The following ACP6 variants were observed in gnomAD, a reference collection of about 807,000 sequenced individuals.
The protein encoded by ACP6 is acid phosphatase 6, lysophosphatidic, also known as lysophosphatidic acid phosphatase type 6.
In ACP6, 48 loss-of-function variants were observed where a neutral mutation model predicts 48.1. The ratio of observed to expected loss-of-function variants is 1.00; its 90% CI spans 0.79 to 1.27. ACP6 has a LOEUF of 1.27. Among genes scored for constraint, ACP6 ranks in the 50% most tolerant of loss-of-function variants. ACP6 has a pLI of 0.00. For missense variants in ACP6, 485 were observed against 529.1 expected, an observed-to-expected ratio of 0.92 and a Z score of 0.82; for synonymous variants, 172 against 204.2, an observed-to-expected ratio of 0.84 and a Z score of 1.34.
At position 147,643,589 on chromosome 1, in the gene ACP6, A is replaced by C. The variant is rs1659522285; in HGVS notation, c.*3834T>G. On this transcript the variant is annotated 3_prime_UTR_variant, in exon 10 of 10. Coordinates refer to ENST00000583509, the MANE Select transcript of ACP6 (RefSeq NM_016361.5). ...AACAGGTGCTCACCCCGAGGTGAGG[A>C]CATGGCTCAGGACTACTTGGCATAC... The C allele has an allele frequency of 6.6e-6, 1 of 152,224 alleles. No homozygotes were observed. Among genetic ancestry groups the C allele is most frequent in the Non-Finnish European group, 1.5e-5 (1 of 68,052 alleles). The allele number at this position is 152,224 out of a possible 1,614,324, so 9.4% of individuals were successfully genotyped here.
At chr1:147,634,621 A>G (rs1195102432) in intron 5 of ACP6, among the ~76,000 whole-genome samples, 3 of 152,200 alleles carry the variant, frequency 2.0e-5, no homozygotes, top group Non-Finnish European at 2.9e-5. Flanking sequence ...AAATTTTTAA[A>G]TGTTTTAAAT....
rs148428138 is a variant in ACP6 at position 147,658,700 on chromosome 1, T to C, written c.559+260A>G. Among the ~76,000 whole-genome samples the C allele has an allele frequency of 2.7e-3, 408 of 152,188 alleles. 1 individual carries two copies. Among genetic ancestry groups the C allele is most frequent in the African/African-American group, 9.4e-3 (390 of 41,514 alleles). On this transcript the variant is annotated intron_variant, in intron 4 of 9. Transcript: ENST00000583509. ...GGTTAGGACTGCCTTGTGCAGCTTG[T>C]GTAGAAGCTTGAGGGGAGAAGCCAG...
At chr1:147,639,997 C>G (rs144702363), downstream of ACP6, among the ~76,000 whole-genome samples, 669 of 152,238 alleles carry the variant, frequency 4.4e-3, 3 homozygotes, top group African/African-American at 0.015. Context: ...CTGTACAACA[C>G]AGAGCAACTC....
chr1:147,669,789 G>A (rs1226217155), intron 1 of ACP6, 41 bp downstream of exon 1: 1 of 1,514,710 alleles, frequency 6.6e-7, no homozygotes, highest in Non-Finnish European at 8.9e-7. Context: ...CCTGGCACAC[G>A]GTCCTCGCCC....
chr1:147,633,873 G>T (rs1486274729), intron 5 of ACP6, among the ~76,000 whole-genome samples: 2 of 152,058 alleles, frequency 1.3e-5, no homozygotes, highest in Non-Finnish European at 2.9e-5. Context: ...AAAAAATACA[G>T]CAAAAAATTG....
intron 7 of ACP6, chr1:147,651,676 G>C (rs1553210587): frequency 6.6e-6 from 1 of 152,152 alleles, no homozygotes; most frequent in African/African-American, 2.4e-5. Flanking sequence ...CTGACCCTGA[G>C]TGGAAGGAAT....
chr1:147,661,515 G>T (rs1660545564), intron 1 of ACP6, among the ~76,000 whole-genome samples: 1 of 152,022 alleles, frequency 6.6e-6, no homozygotes, highest in African/African-American at 2.4e-5. Context: ...CCCTCTCCTT[G>T]AGCCTCCTTA....
rs782318764 is a variant in ACP6 at position 147,659,556 on chromosome 1, T to G, written c.349-30A>C. The G allele has an allele frequency of 4.3e-6, 7 of 1,612,564 alleles. No homozygotes were observed. The South Asian group carries it at 7.7e-5, about 18-fold the overall frequency. Reference sequence around the variant, plus strand: ...AGTAGGGAAGAAAGAGAAAGAAGAATGAAAACACCTGACAGCCTGCTGAAC... The same window carrying G: ...AGTAGGGAAGAAAGAGAAAGAAGAAGGAAAACACCTGACAGCCTGCTGAAC... On this transcript the variant is annotated intron_variant, in intron 2 of 9. Transcript: ENST00000583509.
At chr1:147,653,209 C>G (rs1553210969) in intron 6 of ACP6, among the ~76,000 whole-genome samples, 224 of 152,064 alleles carry the variant, frequency 1.5e-3, no homozygotes, top group African/African-American at 5.2e-3. Flanking sequence ...CGGCTCACTG[C>G]AACCCCTGCC....
At chr1:147,662,521 G>A (rs782733004) in intron 1 of ACP6, among the ~76,000 whole-genome samples, 32 of 152,186 alleles carry the variant, frequency 2.1e-4, no homozygotes, top group Admixed American at 1.0e-3. Context: ...TCAGGCTTCC[G>A]TGGAAGAAGT....
Position 147,647,368 on chromosome 1 carries a change from CA to C in ACP6, c.*54del, listed in dbSNP as rs1553209603. On this transcript the variant is annotated 3_prime_UTR_variant, in exon 10 of 10. Coordinates refer to ENST00000583509, the MANE Select transcript of ACP6 (RefSeq NM_016361.5). ...CTTCCCAAACACACAAAGCAGGAGG[CA>C]TTGTATAAAGGCACTTTATTTTAAA... is the stretch of plus-strand genomic sequence containing the variant. The C allele has an allele frequency of 3.8e-6, 6 of 1,594,810 alleles. No individual in the cohort carries two copies. Among genetic ancestry groups the C allele is most frequent in the Non-Finnish European group, 8.6e-7 (1 of 1,167,482 alleles).
At chr1:147,638,213 C>T (rs1389909287), downstream of ACP6, among the ~76,000 whole-genome samples, 3 of 152,180 alleles carry the variant, frequency 2.0e-5, no homozygotes, top group African/African-American at 7.2e-5. Flanking sequence ...AACAAATAAT[C>T]GCTAATATTG....
Position 147,670,157 on chromosome 1 carries a change from A to ACT in ACP6, c.-110_-109insAG. On this transcript the variant is annotated 5_prime_UTR_variant, in exon 1 of 10. It removes the in-frame stop codon of an upstream open reading frame in the 5' UTR. Transcript: ENST00000583509. Reference sequence around the variant, plus strand: ...CCCCCAAGTCCGCGGGAACCTGCGGATGCGTACATCCAGCCCTTCAGCAAG... The same window carrying ACT: ...CCCCCAAGTCCGCGGGAACCTGCGGACTTGCGTACATCCAGCCCTTCAGCAAG... 3 of 1,039,412 alleles carry ACT rather than the reference A, an allele frequency of 2.9e-6. No homozygotes were observed. Among genetic ancestry groups the ACT allele is most frequent in the Non-Finnish European group, 4.0e-6 (3 of 740,792 alleles). The allele number at this position is 1,039,412 out of a possible 1,614,324, so 64.4% of individuals were successfully genotyped here.
exon 6 of ACP6, chr1:147,630,068 C>T (rs1413614824): frequency 6.6e-6 from 1 of 152,092 alleles, no homozygotes; most frequent in Non-Finnish European, 1.5e-5. Flanking sequence ...CGAAAGAAAC[C>T]AGATTTCTCT....
intron 4 of ACP6, among the ~76,000 whole-genome samples, chr1:147,658,196 T>G (rs1660353055): frequency 6.6e-6 from 1 of 152,244 alleles, no homozygotes; most frequent in African/African-American, 2.4e-5. Context: ...GAAGGTTCCA[T>G]TATTTTACAT....
In ACP6 at chr1:147,646,780, C is replaced by T. The variant is rs1659638583; in HGVS notation, c.*643G>A. The T allele has an allele frequency of 6.6e-6, 1 of 152,536 alleles. No individual in the cohort carries two copies. 9.4% of individuals were successfully genotyped at this position (152,536 alleles called of 1,614,324 possible). ...TCACCACCCAGCAACGTTCCCTGAC[C>T]TTGAAGCCTATCCTTTATCTAAACG... On this transcript the variant is annotated 3_prime_UTR_variant, in exon 10 of 10. Transcript: ENST00000583509.
At chr1:147,631,815 AAAC>A (rs113812686) in intron 5 of ACP6, among the ~76,000 whole-genome samples, 20,357 of 151,470 alleles carry the variant, frequency 0.13, 1,546 homozygotes, top group East Asian at 0.33. Context: ...CTCTGTCTTA[AAAC>A]AACAACAACA....
chr1:147,669,997 T>A lies in ACP6; in HGVS notation c.52A>T (p.Thr18Ser), dbSNP rs1432954701. The A allele has an allele frequency of 1.0e-5, 16 of 1,547,296 alleles. No individual in the cohort carries two copies. The highest frequency in any genetic ancestry group is 1.4e-5 in the African/African-American group (1 of 72,998). ...TGGTGCAGGCAGTACGCCAGCGAGG[T>A]CAGGACGCCCACTGGGGTCCACAAG... ...MRLWTPVGVLTSLAYCLHQRR... is the reference protein window; with the variant it reads ...MRLWTPVGVLSSLAYCLHQRR... Residue 18 changes from threonine to serine, a missense_variant, in exon 1 of 10, where the codon ACC becomes TCC. Thr to Ser is a moderately conservative substitution (Grantham distance 58). Coordinates refer to ENST00000583509, the MANE Select transcript of ACP6 (RefSeq NM_016361.5).
At chr1:147,657,277 C>A (rs1022657005) in intron 4 of ACP6, among the ~76,000 whole-genome samples, 1 of 152,164 alleles carries the variant, frequency 6.6e-6, no homozygotes, top group Non-Finnish European at 1.5e-5. Flanking sequence ...GGCCAGTGGG[C>A]AGACCAACAA....
Sources: allele counts gnomAD v4.1 joint callset (sites outside exome capture counted in the v4.1 genomes callset), GRCh38; gene constraint gnomAD v4.1.1; transcripts MANE v1.5; gene names NCBI Gene and HGNC (gene_info 2026-07-23, HGNC 2026-07-21).